TSC22D1: variants seen among roughly 807,000 people sequenced by gnomAD.
TSC22D1 encodes TSC22 domain family member 1.
Under a neutral mutation model 74.2 loss-of-function variants are expected in TSC22D1, and 9 were observed. The ratio of observed to expected loss-of-function variants is 0.12; its 90% CI spans 0.07 to 0.21. The LOEUF (loss-of-function observed/expected upper bound fraction) is 0.21, where lower values mean the gene tolerates loss of function less well. Ranked by LOEUF, TSC22D1 falls within the 10% of genes least tolerant of loss-of-function variation. The pLI is 1.00. For synonymous variants in TSC22D1, 586 were observed against 492.5 expected (o/e 1.19, Z -2.51); for missense variants, 1,427 against 1,304.7 (o/e 1.09, Z -1.44).
rs113504716 is a variant in TSC22D1 at position 44,547,511 on chromosome 13, A to G, written c.2912+25652T>C. Among the ~76,000 whole-genome samples, 216 of 152,292 alleles carry G rather than the reference A, an allele frequency of 1.4e-3. 1 individual carries two copies. The highest frequency in any genetic ancestry group is 4.8e-3 in the African/African-American group (200 of 41,570). Reference sequence around the variant, plus strand: ...TAGAACAGGTGAACAAAAAAGCAAAAGTTCTTTCCAATTTACATTATCATG... The same window carrying G: ...TAGAACAGGTGAACAAAAAAGCAAAGGTTCTTTCCAATTTACATTATCATG... On this transcript the variant is annotated intron_variant, in intron 1 of 2. Coordinates refer to ENST00000458659, the MANE Select transcript of TSC22D1 (RefSeq NM_183422.4).
chr13:44,518,744 C>T (rs1880169784), intron 1 of TSC22D1, among the ~76,000 whole-genome samples: 2 of 152,120 alleles, frequency 1.3e-5, no homozygotes, highest in Admixed American at 1.3e-4. Context: ...AATAGGCAAA[C>T]TGACACTGGT....
chr13:44,538,901 A>C, intron 1 of TSC22D1: 6 of 985,418 alleles, frequency 6.1e-6, no homozygotes, highest in Non-Finnish European at 6.0e-6. Flanking sequence ...GGGCAATTAA[A>C]GAACAAATAA....
intron 1 of TSC22D1, among the ~76,000 whole-genome samples, chr13:44,483,090 T>C (rs189034977): frequency 1.2e-4 from 18 of 152,334 alleles, no homozygotes; most frequent in Admixed American, 1.1e-3. Context: ...TATTTAGATA[T>C]AGGTTTTCCC....
At position 44,433,769 on chromosome 13, in the gene TSC22D1, A is replaced by G. The variant is rs1874257866; in HGVS notation, c.*857T>C. 30 of 521,810 alleles carry G rather than the reference A, an allele frequency of 5.7e-5. No homozygotes were observed. In the South Asian group the frequency reaches 8.2e-4, roughly 14 times the overall value. 32.3% of individuals were successfully genotyped at this position (521,810 alleles called of 1,614,324 possible). ...TTACTTCAGCGTATTCAGCAGCTAG[A>G]TTTCAGATTACACAAAGTGAGTAAC... On this transcript the variant is annotated 3_prime_UTR_variant, in exon 3 of 3. Transcript: ENST00000458659.
At chr13:44,572,458 T>C (rs558674059) in intron 1 of TSC22D1, among the ~76,000 whole-genome samples, 32 of 152,336 alleles carry the variant, frequency 2.1e-4, no homozygotes, top group African/African-American at 7.2e-4. Context: ...CTCTGTTCTT[T>C]AAAATGGCTA....
intron 1 of TSC22D1, among the ~76,000 whole-genome samples, chr13:44,544,273 T>A (rs1393825049): frequency 6.6e-6 from 1 of 151,028 alleles, no homozygotes; most frequent in East Asian, 1.9e-4. Flanking sequence ...TTCAGAGATT[T>A]AAAAGTAGTA....
chr13:44,456,639 A>G lies in TSC22D1; in HGVS notation c.2913-20544T>C, dbSNP rs561125326. Among the ~76,000 whole-genome samples, 26 of 152,362 alleles carry G rather than the reference A, an allele frequency of 1.7e-4. No individual in the cohort carries two copies. In the South Asian group the frequency reaches 4.4e-3, roughly 25 times the overall value. Reference sequence around the variant, plus strand: ...CAACACTCAGTCAAAAGGAACCTAGAGGAAACAGAGACAGTGTAGGGAACT... The same window carrying G: ...CAACACTCAGTCAAAAGGAACCTAGGGGAAACAGAGACAGTGTAGGGAACT... On this transcript the variant is annotated intron_variant, in intron 1 of 2. Coordinates refer to ENST00000458659, the MANE Select transcript of TSC22D1 (RefSeq NM_183422.4).
At position 44,575,988 on chromosome 13, in the gene TSC22D1, A is replaced by C. The variant is rs146669731; in HGVS notation, c.87T>G (p.Pro29=). The C allele has an allele frequency of 3.8e-6, 6 of 1,598,958 alleles. No homozygotes were observed. The South Asian group carries it at 6.7e-5, about 18-fold the overall frequency. Residue 29 remains proline (P), a synonymous_variant, in exon 1 of 3, where the codon CCT becomes CCG. Coordinates refer to ENST00000458659, the MANE Select transcript of TSC22D1 (RefSeq NM_183422.4). ...ARKMAHPAMF[P]RRGSGSGSAS... The stretch of plus-strand genomic sequence containing the variant: ...CGCTGCCACTACCGCTGCCCCTTCG[A>C]GGGAACATTGCCGGGTGCGCCATCT...
At chr13:44,496,861 C>A (rs773811191) in intron 1 of TSC22D1, among the ~76,000 whole-genome samples, 2 of 152,008 alleles carry the variant, frequency 1.3e-5, no homozygotes, top group Admixed American at 6.6e-5. Context: ...AACAAAGCCA[C>A]AAGATACCAC....
At chr13:44,532,715 C>T (rs1479522326) in intron 1 of TSC22D1, among the ~76,000 whole-genome samples, 1 of 152,076 alleles carries the variant, frequency 6.6e-6, no homozygotes, top group East Asian at 1.9e-4. Context: ...ACCTGTGATC[C>T]GCCTGCCTCA....
chr13:44,529,311 A>G (rs1880709598), intron 1 of TSC22D1, among the ~76,000 whole-genome samples: 1 of 152,088 alleles, frequency 6.6e-6, no homozygotes, highest in African/African-American at 2.4e-5. Context: ...TCAATAGGCT[A>G]AAGAAAAATC....
At chr13:44,551,389 G>T (rs1417649765) in intron 1 of TSC22D1, among the ~76,000 whole-genome samples, 5 of 125,252 alleles carry the variant, frequency 4.0e-5, no homozygotes, top group Admixed American at 2.4e-4. Flanking sequence ...CAATCAGATG[G>T]GTGTGTGTGT....
chr13:44,530,468 G>T (rs1309856460), intron 1 of TSC22D1, among the ~76,000 whole-genome samples: 2 of 125,690 alleles, frequency 1.6e-5, no homozygotes, highest in African/African-American at 5.2e-5. Context: ...TATAAAACAG[G>T]GGAAAATCTA....
chr13:44,514,411 C>A (rs909123468), intron 1 of TSC22D1, among the ~76,000 whole-genome samples: 37 of 151,726 alleles, frequency 2.4e-4, no homozygotes, highest in Admixed American at 1.2e-3. Flanking sequence ...CACACACACA[C>A]AAAAAAACCA....
At chr13:44,489,142 G>A (rs1035634548) in intron 1 of TSC22D1, among the ~76,000 whole-genome samples, 1 of 151,006 alleles carries the variant, frequency 6.6e-6, no homozygotes, top group African/African-American at 2.4e-5. Flanking sequence ...TCAAATATTG[G>A]TGCTGAGTCA....
chr13:44,436,841 C>G, intron 1 of TSC22D1: 4 of 1,327,712 alleles, frequency 3.0e-6, no homozygotes, highest in Non-Finnish European at 2.9e-6. Flanking sequence ...CGCAGCCGGG[C>G]TCCACTCAGC....
chr13:44,509,950 C>CAAAAAAAAAAAAAAAAAAAAACAAAAAA, intron 1 of TSC22D1, among the ~76,000 whole-genome samples: 1 of 51,426 alleles, frequency 1.9e-5, no homozygotes, highest in Non-Finnish European at 3.6e-5. Flanking sequence ...AGAAAATAAG[C>CAAAAAAAAAAAAAAAAAAAAACAAAAAA]AAAAAAAAAA....
At chr13:44,561,004 G>C (rs936879964) in intron 1 of TSC22D1, among the ~76,000 whole-genome samples, 2 of 152,066 alleles carry the variant, frequency 1.3e-5, no homozygotes, top group Non-Finnish European at 2.9e-5. Context: ...AACATAAGGA[G>C]ACTTAATGGA....
intron 1 of TSC22D1, chr13:44,516,374 T>G (rs536324226): frequency 2.2e-6 from 1 of 445,598 alleles, no homozygotes; most frequent in African/African-American, 2.1e-5. Context: ...CTCTTAATAG[T>G]CTTTTTAAAA....
Sources: gnomAD v4.1 joint callset for allele counts (sites outside exome capture counted in the v4.1 genomes callset) on GRCh38, gnomAD v4.1.1 for gene constraint, MANE v1.5 for transcripts, NCBI Gene and HGNC (gene_info 2026-07-23, HGNC 2026-07-21) for gene names.